The following SLC10A6 variants were observed in gnomAD, a reference collection of about 807,000 sequenced individuals.
SLC10A6 encodes sodium-dependent organic anion transporter.
Under a neutral mutation model 30.0 loss-of-function variants are expected in SLC10A6, and 27 were observed. The ratio of observed to expected loss-of-function variants is 0.90; its 90% CI spans 0.66 to 1.24. The LOEUF is 1.24. Ranked by LOEUF, SLC10A6 falls within the 50% of genes most tolerant of loss-of-function variation. SLC10A6 has a pLI of 0.00. For synonymous variants in SLC10A6, 166 were observed against 173.8 expected (o/e 0.95, Z 0.36); for missense variants, 439 against 457.0 (o/e 0.96, Z 0.36).
At chr4:86,824,748 C>T (rs1745950006) in intron 5 of SLC10A6, among the ~76,000 whole-genome samples, 1 of 152,028 alleles carries the variant, frequency 6.6e-6, no homozygotes, top group African/African-American at 2.4e-5. Flanking sequence ...TAGTAGTCCC[C>T]AGTTTCTATT....
At chr4:86,848,717 G>A (rs1030914265) in intron 1 of SLC10A6, 22 bp downstream of exon 1, 1 of 1,547,610 alleles carries the variant, frequency 6.5e-7, no homozygotes. Flanking sequence ...ACAGACTGCT[G>A]AGCTTCCCTG....
intron 4 of SLC10A6, 98 bp from the exon 5 acceptor site, chr4:86,825,675 A>C: frequency 1.6e-6 from 2 of 1,256,922 alleles, no homozygotes; most frequent in Non-Finnish European, 2.1e-6. Context: ...CTATGACCTC[A>C]GGCCACTGAA....
chr4:86,833,543 G>T, intron 1 of SLC10A6, 119 bp from the exon 2 acceptor site: 1 of 671,734 alleles, frequency 1.5e-6, no homozygotes, highest in Non-Finnish European at 2.6e-6. Flanking sequence ...AAGCTCCTTG[G>T]AGCTCATTTC....
At chr4:86,824,028 G>T in intron 5 of SLC10A6, 126 bp from the exon 6 acceptor site, 1 of 776,640 alleles carries the variant, frequency 1.3e-6, no homozygotes, top group Non-Finnish European at 2.0e-6. Context: ...AACACCCAGG[G>T]AAAAGAAGGG....
chr4:86,837,335 A>AGGC lies in SLC10A6; in HGVS notation c.378-3912_378-3911insGCC, dbSNP rs1560460500. Among the ~76,000 whole-genome samples the AGGC allele has an allele frequency of 9.8e-5, 11 of 112,134 alleles. 1 individual carries two copies. Among genetic ancestry groups the AGGC allele is most frequent in the African/African-American group, 5.6e-4 (10 of 17,902 alleles). 73.6% of individuals were successfully genotyped at this position (112,134 alleles called of 152,430 possible). On this transcript the variant is annotated intron_variant, in intron 1 of 5. Coordinates refer to ENST00000273905, the MANE Select transcript of SLC10A6 (RefSeq NM_197965.3). ...GAAGGAAGGAAGGAAGGAAGGAAGG[A>AGGC]AGGAAGGAAGGCAGGCAGGCAGGCT...
chr4:86,843,760 C>A (rs1393140255), intron 1 of SLC10A6, among the ~76,000 whole-genome samples: 1 of 152,100 alleles, frequency 6.6e-6, no homozygotes, highest in Non-Finnish European at 1.5e-5. Context: ...TTTTGCCTGC[C>A]TTATATAATA....
At chr4:86,843,041 T>C (rs1746334137) in intron 1 of SLC10A6, among the ~76,000 whole-genome samples, 1 of 151,740 alleles carries the variant, frequency 6.6e-6, no homozygotes, top group Non-Finnish European at 1.5e-5. Flanking sequence ...CTGGCTAATT[T>C]TGTATTTTTA....
rs567569196 is a variant in SLC10A6, at chr4:86,823,471, T to C, written c.*217A>G. 4.2e-6 allele frequency: 2 copies of C among 477,110 alleles called. No individual in the cohort carries two copies. Among genetic ancestry groups the C allele is most frequent in the African/African-American group, 2.0e-5 (1 of 51,246 alleles). 29.6% of individuals were successfully genotyped at this position (477,110 alleles called of 1,614,324 possible). ...GACAAGAACATACAAGGCAGCTCAT[T>C]GATACGTTATGTTAACCCCCAGAAG... On this transcript the variant is annotated 3_prime_UTR_variant, in exon 6 of 6. Transcript: ENST00000273905.
chr4:86,836,111 C>G (rs1323001825), intron 1 of SLC10A6, among the ~76,000 whole-genome samples: 2 of 152,142 alleles, frequency 1.3e-5, no homozygotes, highest in Non-Finnish European at 2.9e-5. Context: ...CAACTGAGAC[C>G]ATCAGAAGGA....
chr4:86,843,909 T>C lies in SLC10A6; in HGVS notation c.377+4830A>G, dbSNP rs186703857. The stretch of plus-strand genomic sequence containing the variant: ...AAGTGAGGAAACTGGCCGGGCTCGG[T>C]GGCTCACACCGGTAATCCCAGCACT... On this transcript the variant is annotated intron_variant, in intron 1 of 5. Coordinates refer to ENST00000273905, the MANE Select transcript of SLC10A6 (RefSeq NM_197965.3). Among the ~76,000 whole-genome samples, 933 of 152,312 alleles carry C rather than the reference T, an allele frequency of 6.1e-3. 7 individuals carry two copies. Among genetic ancestry groups the C allele is most frequent in the Non-Finnish European group, 8.5e-3 (578 of 68,036 alleles).
chr4:86,825,000 G>A (rs1745955261), intron 5 of SLC10A6, among the ~76,000 whole-genome samples: 1 of 152,178 alleles, frequency 6.6e-6, no homozygotes, highest in African/African-American at 2.4e-5. Flanking sequence ...TTCAGCACAA[G>A]TCTTAGTCAC....
chr4:86,843,717 G>A (rs1188295862), intron 1 of SLC10A6, among the ~76,000 whole-genome samples: 2 of 152,166 alleles, frequency 1.3e-5, no homozygotes, highest in South Asian at 4.1e-4. Context: ...TCCTTGAGCA[G>A]GGACTAAAAC....
At chr4:86,839,062 A>G (rs1413365176) in intron 1 of SLC10A6, among the ~76,000 whole-genome samples, 1 of 151,628 alleles carries the variant, frequency 6.6e-6, no homozygotes, top group Non-Finnish European at 1.5e-5. Context: ...CTACTCTTTT[A>G]TTTTTCTTTT....
chr4:86,841,687 T>C (rs1438612837), intron 1 of SLC10A6, among the ~76,000 whole-genome samples: 1 of 152,226 alleles, frequency 6.6e-6, no homozygotes, highest in Non-Finnish European at 1.5e-5. Context: ...AAATGCAGTG[T>C]CAATAACATT....
At chr4:86,842,944 T>G (rs530586207) in intron 1 of SLC10A6, among the ~76,000 whole-genome samples, 1 of 150,524 alleles carries the variant, frequency 6.6e-6, no homozygotes, top group African/African-American at 2.4e-5. Flanking sequence ...TGATCTCGGC[T>G]CACAGCAACC....
rs1578755814 is a variant in SLC10A6, at chr4:86,833,046, C to T, written c.496+260G>A. On this transcript the variant is annotated intron_variant, in intron 2 of 5. Coordinates refer to ENST00000273905, the MANE Select transcript of SLC10A6 (RefSeq NM_197965.3). ...ACTCTTATAGGGATGAAAGTTTGCA[C>T]TTTGTAGTCAGATTCCCGGGTTAGA... is the stretch of plus-strand genomic sequence containing the variant. Among the ~76,000 whole-genome samples the T allele has an allele frequency of 3.3e-5, 5 of 152,006 alleles. No individual in the cohort carries two copies. The Middle Eastern group carries it at 0.014, about 414-fold the overall frequency.
rs1212094956 is a variant in SLC10A6, at chr4:86,849,151, A to G, written c.-36T>C. On this transcript the variant is annotated 5_prime_UTR_variant, in exon 1 of 6. The change abolishes an upstream ATG in the 5' untranslated region. Transcript: ENST00000273905. ...CCTTAAGGCAGCATTACAAATGAAC[A>G]TCGGCAACAATGGCTGGGCAGGTCT... is the stretch of plus-strand genomic sequence containing the variant. 2 of 1,571,854 alleles carry G rather than the reference A, an allele frequency of 1.3e-6. No homozygotes were observed. Among genetic ancestry groups the G allele is most frequent in the East Asian group, 2.2e-5 (1 of 44,476 alleles).
intron 1 of SLC10A6, among the ~76,000 whole-genome samples, chr4:86,844,380 A>C (rs140616303): frequency 2.0e-5 from 3 of 152,164 alleles, no homozygotes; most frequent in East Asian, 3.9e-4. Context: ...CTCTAGTAGG[A>C]TATATTGGGG....
In SLC10A6 at chr4:86,848,810, G is replaced by C. The variant is rs1167215491; in HGVS notation, c.306C>G (p.Ile102Met). The C allele has an allele frequency of 3.7e-6, 6 of 1,614,024 alleles. No individual in the cohort carries two copies. The highest frequency in any genetic ancestry group is 1.3e-5 in the African/African-American group (1 of 75,052). ...LKPVQAIAVLIMGCCPGGTIS... is the reference protein window; with the variant it reads ...LKPVQAIAVLMMGCCPGGTIS... ...TGGTGCCCCCCGGGCAGCAGCCCAT[G>C]ATGAGAACAGCAATAGCTTGGACTG... Residue 102 changes from isoleucine to methionine, a missense_variant, in exon 1 of 6, where the codon ATC (isoleucine) becomes ATG (methionine). Physicochemically the swap from Ile to Met is conservative, Grantham distance 10. Transcript: ENST00000273905.
Sources: gnomAD v4.1 joint callset for allele counts (sites outside exome capture counted in the v4.1 genomes callset) on GRCh38, gnomAD v4.1.1 for gene constraint, MANE v1.5 for transcripts, NCBI Gene and HGNC (gene_info 2026-07-23, HGNC 2026-07-21) for gene names.